MED10: variants seen among roughly 807,000 people sequenced by gnomAD.
The protein encoded by MED10 is mediator complex subunit 10, also known as mediator of RNA polymerase II transcription subunit 10.
A neutral mutation model predicts 17.2 loss-of-function variants in MED10; 9 were observed. That is an observed-to-expected ratio of 0.52 (90% CI 0.31 to 0.91). MED10 has a LOEUF of 0.91. Among genes scored for constraint, MED10 ranks in the 40% least tolerant of loss-of-function variants. The probability of loss-of-function intolerance (pLI) is 0.04; values close to 1 mark genes in which losing one functional copy is unlikely to be tolerated. For synonymous variants in MED10, 66 were observed against 59.8 expected (o/e 1.10, Z -0.48); for missense variants, 129 against 164.8 (o/e 0.78, Z 1.19).
At chr5:6,375,948 C>CTTCTGA (rs1737978813) in intron 2 of MED10, among the ~76,000 whole-genome samples, 1 of 152,204 alleles carries the variant, frequency 6.6e-6, no homozygotes, top group Non-Finnish European at 1.5e-5. Flanking sequence ...TGTTCTGCTT[C>CTTCTGA]AGAAGACACA....
In MED10 at chr5:6,372,315, C is replaced by G. The variant is rs368402708; in HGVS notation, c.*188G>C. ...GACGCCAGACAAGCTGCTGGAACAG[C>G]TGGGGCACAGCTCCGCCTCTCCTCC... On this transcript the variant is annotated 3_prime_UTR_variant, in exon 4 of 4. Coordinates refer to ENST00000255764, the MANE Select transcript of MED10 (RefSeq NM_032286.3). The G allele has an allele frequency of 1.6e-4, 93 of 572,000 alleles. 1 individual carries two copies. Among genetic ancestry groups the G allele is most frequent in the East Asian group, 1.6e-3 (55 of 34,610 alleles). 35.4% of individuals were successfully genotyped at this position (572,000 alleles called of 1,614,324 possible). A position where few individuals can be genotyped will look rare whatever the true frequency, so the allele number is the denominator to read the frequency against.
chr5:6,372,455 C>T lies in MED10; in HGVS notation c.*48G>A, dbSNP rs555383636. 130 of 1,528,844 alleles carry T rather than the reference C, an allele frequency of 8.5e-5. No homozygotes were observed. Among genetic ancestry groups the T allele is most frequent in the Non-Finnish European group, 1.1e-4 (119 of 1,103,168 alleles). The allele number at this position is 1,528,844 out of a possible 1,614,324, so 94.7% of individuals were successfully genotyped here. On this transcript the variant is annotated 3_prime_UTR_variant, in exon 4 of 4. Transcript: ENST00000255764. ...GTCAGCACTCGCAGTCCCAGCCTCA[C>T]GCCGCATCGCAGTCCCAGGGGATCT...
At chr5:6,376,124 C>T (rs928238160) in intron 2 of MED10, among the ~76,000 whole-genome samples, 1 of 152,160 alleles carries the variant, frequency 6.6e-6, no homozygotes, top group African/African-American at 2.4e-5. Flanking sequence ...CTCAGTGGTG[C>T]CCACTGAGCA....
At position 6,372,618 on chromosome 5, in the gene MED10, T is replaced by A; in HGVS notation, c.310-17A>T. On this transcript the variant is annotated splice_polypyrimidine_tract_variant and intron_variant, in intron 3 of 3. Coordinates refer to ENST00000255764, the MANE Select transcript of MED10 (RefSeq NM_032286.3). ...TTTAAATTTCTACAAAGAAAATACATTATCAAAGGAGCTCTTCACATCAAC... is the reference window on the plus strand; with the variant it reads ...TTTAAATTTCTACAAAGAAAATACAATATCAAAGGAGCTCTTCACATCAAC... 6.3e-7 allele frequency: 1 copy of A among 1,587,622 alleles called. No homozygotes were observed. The highest frequency in any genetic ancestry group is 8.7e-7 in the Non-Finnish European group (1 of 1,155,886).
chr5:6,374,510 G>A (rs917790847), intron 2 of MED10, 84 bp from the exon 3 acceptor site: 4 of 989,962 alleles, frequency 4.0e-6, no homozygotes, highest in Admixed American at 3.4e-5. Flanking sequence ...GGGAATAAAG[G>A]TTAGGTATAT....
Position 6,372,207 on chromosome 5 carries a change from C to A in MED10, c.*296G>T. The A allele has an allele frequency of 6.2e-6, 2 of 322,114 alleles. No homozygotes were observed. The highest frequency in any genetic ancestry group is 4.6e-5 in the Admixed American group (1 of 21,564). The allele number at this position is 322,114 out of a possible 1,614,324, so 20.0% of individuals were successfully genotyped here. On this transcript the variant is annotated 3_prime_UTR_variant, in exon 4 of 4. Transcript: ENST00000255764. ...ATTTACCCATCATATTTAACATTTC[C>A]AAGACTATTTTCCTGCGCCTCATCT...
At chr5:6,378,118 T>G (rs925309219) in intron 1 of MED10, among the ~76,000 whole-genome samples, 1 of 152,256 alleles carries the variant, frequency 6.6e-6, no homozygotes, top group Non-Finnish European at 1.5e-5. Context: ...GTATATCATC[T>G]GGCCATGACG....
At chr5:6,372,698 A>C in intron 3 of MED10, 97 bp from the exon 4 acceptor site, 1 of 951,572 alleles carries the variant, frequency 1.1e-6, no homozygotes, top group Non-Finnish European at 1.6e-6. Flanking sequence ...ATGGCCCACT[A>C]AGCAATACAG....
rs375233735 is a variant in MED10, at chr5:6,372,292, C to T, written c.*211G>A. The T allele has an allele frequency of 2.8e-4, 156 of 553,082 alleles. 3 individuals are homozygous for T. The South Asian group carries it at 3.0e-3, about 11-fold the overall frequency. The allele number at this position is 553,082 out of a possible 1,614,324, so 34.3% of individuals were successfully genotyped here. On this transcript the variant is annotated 3_prime_UTR_variant, in exon 4 of 4. Coordinates refer to ENST00000255764, the MANE Select transcript of MED10 (RefSeq NM_032286.3). Reference sequence around the variant, plus strand: ...GGTCAGCACTCTGAAAGCCAGTTGACGCCAGACAAGCTGCTGGAACAGCTG... The same window carrying T: ...GGTCAGCACTCTGAAAGCCAGTTGATGCCAGACAAGCTGCTGGAACAGCTG...
chr5:6,372,792 G>A (rs923263098), intron 3 of MED10, among the ~76,000 whole-genome samples, 191 bp from the exon 4 acceptor site: 1 of 152,152 alleles, frequency 6.6e-6, no homozygotes, highest in Non-Finnish European at 1.5e-5. Flanking sequence ...AAGCGACACT[G>A]CACAGCCCCG....
Position 6,376,995 on chromosome 5 carries a change from G to A in MED10, c.206+171C>T, listed in dbSNP as rs1056486535. 1.1e-5 allele frequency: 5 copies of A among 436,740 alleles called. No homozygotes were observed. In the South Asian group the frequency reaches 3.3e-4, roughly 29 times the overall value. 27.1% of individuals were successfully genotyped at this position (436,740 alleles called of 1,614,324 possible). A position where few individuals can be genotyped will look rare whatever the true frequency, so the allele number is the denominator to read the frequency against. ...CCATTAGAACGGAAGTTCCATAAGG[G>A]CAGGTATTTTTGTATTTTTGTCTAT... On this transcript the variant is annotated intron_variant, in intron 2 of 3. Transcript: ENST00000255764.
Position 6,373,212 on chromosome 5 carries a change from C to T in MED10, c.310-611G>A, listed in dbSNP as rs147141841. ...TGTGACTAGGCAGGTCTCCTTCTGACAGCTCCTCCCCTTGCTCCTCCCACT... is the reference window on the plus strand; with the variant it reads ...TGTGACTAGGCAGGTCTCCTTCTGATAGCTCCTCCCCTTGCTCCTCCCACT... On this transcript the variant is annotated intron_variant, in intron 3 of 3. Transcript: ENST00000255764. Among the ~76,000 whole-genome samples, 511 of 152,216 alleles carry T rather than the reference C, an allele frequency of 3.4e-3. 1 individual carries two copies. Among genetic ancestry groups the T allele is most frequent in the Non-Finnish European group, 5.3e-3 (359 of 68,018 alleles).
Position 6,372,321 on chromosome 5 carries a change from C to T in MED10, c.*182G>A, listed in dbSNP as rs1479919460. The T allele has an allele frequency of 5.2e-6, 3 of 577,620 alleles. No homozygotes were observed. The highest frequency in any genetic ancestry group is 9.2e-6 in the Non-Finnish European group (3 of 325,124). The allele number at this position is 577,620 out of a possible 1,614,324, so 35.8% of individuals were successfully genotyped here. ...AGACAAGCTGCTGGAACAGCTGGGG[C>T]ACAGCTCCGCCTCTCCTCCAGCCCC... On this transcript the variant is annotated 3_prime_UTR_variant, in exon 4 of 4. Coordinates refer to ENST00000255764, the MANE Select transcript of MED10 (RefSeq NM_032286.3).
chr5:6,372,474 G>A lies in MED10; in HGVS notation c.*29C>T, dbSNP rs769109689. On this transcript the variant is annotated 3_prime_UTR_variant, in exon 4 of 4. Coordinates refer to ENST00000255764, the MANE Select transcript of MED10 (RefSeq NM_032286.3). ...GCCTCACGCCGCATCGCAGTCCCAG[G>A]GGATCTTCACACAGGGAGGGTGAGC... 3 of 1,592,328 alleles carry A rather than the reference G, an allele frequency of 1.9e-6. No homozygotes were observed. Among genetic ancestry groups the A allele is most frequent in the Admixed American group, 1.7e-5 (1 of 59,982 alleles).
chr5:6,377,325 G>A, intron 1 of MED10, 76 bp from the exon 2 acceptor site: 1 of 1,024,294 alleles, frequency 9.8e-7, no homozygotes, highest in South Asian at 1.5e-5. Flanking sequence ...GAGCTACCCA[G>A]CCAACCGGGG....
At chr5:6,377,724 A>G (rs1187524217) in intron 1 of MED10, among the ~76,000 whole-genome samples, 3 of 152,236 alleles carry the variant, frequency 2.0e-5, no homozygotes, top group Non-Finnish European at 4.4e-5. Flanking sequence ...CCTCGAGTGC[A>G]ACATTTTCTA....
At chr5:6,378,244 C>T in intron 1 of MED10, 118 bp downstream of exon 1, 1 of 1,374,896 alleles carries the variant, frequency 7.3e-7, no homozygotes, top group South Asian at 1.5e-5. Flanking sequence ...GACCAGAGGG[C>T]TGGCGGGGCA....
At position 6,372,299 on chromosome 5, in the gene MED10, C is replaced by G; in HGVS notation, c.*204G>C. 3 of 557,418 alleles carry G rather than the reference C, an allele frequency of 5.4e-6. No individual in the cohort carries two copies. In the South Asian group the frequency reaches 7.4e-5, roughly 14 times the overall value. The allele number at this position is 557,418 out of a possible 1,614,324, so 34.5% of individuals were successfully genotyped here. A position where few individuals can be genotyped will look rare whatever the true frequency, so the allele number is the denominator to read the frequency against. On this transcript the variant is annotated 3_prime_UTR_variant, in exon 4 of 4. Transcript: ENST00000255764. Reference sequence around the variant, plus strand: ...ACTCTGAAAGCCAGTTGACGCCAGACAAGCTGCTGGAACAGCTGGGGCACA... The same window carrying G: ...ACTCTGAAAGCCAGTTGACGCCAGAGAAGCTGCTGGAACAGCTGGGGCACA...
At chr5:6,375,880 T>TC (rs1405634764) in intron 2 of MED10, among the ~76,000 whole-genome samples, 1 of 152,168 alleles carries the variant, frequency 6.6e-6, no homozygotes, top group East Asian at 1.9e-4. Flanking sequence ...ATCTCATCCA[T>TC]CCCCGTGCCC....
Sources: gnomAD v4.1 joint callset for allele counts (sites outside exome capture counted in the v4.1 genomes callset) on GRCh38, gnomAD v4.1.1 for gene constraint, MANE v1.5 for transcripts, NCBI Gene and HGNC (gene_info 2026-07-23, HGNC 2026-07-21) for gene names.